SH3YL1: variants seen among roughly 807,000 people sequenced by gnomAD.
SH3YL1 encodes the protein SH3 domain-containing YSC84-like protein 1.
SH3YL1 carries 41 observed loss-of-function variants against 45.8 expected under a neutral mutation model. The ratio of observed to expected loss-of-function variants is 0.89; its 90% CI spans 0.70 to 1.16. SH3YL1 has a LOEUF of 1.16. SH3YL1 is among the 50% of genes most tolerant of loss of function. SH3YL1 has a pLI of 0.00. For missense variants in SH3YL1, 389 were observed against 409.6 expected (o/e 0.95, Z 0.43); for synonymous variants, 152 against 151.4 (o/e 1.00, Z -0.03).
intron 4 of SH3YL1, chr2:242,890 A>T (rs889107450): frequency 1.4e-6 from 2 of 1,443,252 alleles, no homozygotes; most frequent in African/African-American, 2.9e-5. Flanking sequence ...CAAACAACAA[A>T]AAATGTAATT....
At chr2:249,663 T>C in intron 3 of SH3YL1, 68 bp downstream of exon 3, 2 of 1,141,648 alleles carry the variant, frequency 1.8e-6, no homozygotes, top group East Asian at 2.6e-5. Flanking sequence ...CTATGCAATG[T>C]GTTCACATGA....
chr2:261,368 A>T (rs372540026), intron 1 of SH3YL1: 81 of 152,338 alleles, frequency 5.3e-4, no homozygotes, highest in African/African-American at 1.9e-3. Context: ...TAAACGTCTT[A>T]AGTCCCTTGA....
intron 4 of SH3YL1, among the ~76,000 whole-genome samples, chr2:245,519 C>T (rs1441188379): frequency 2.0e-5 from 3 of 151,900 alleles, no homozygotes; most frequent in Admixed American, 2.0e-4. Flanking sequence ...CAATATAAGC[C>T]CAGAGACTCA....
At chr2:234,013 CTA>C (rs1668171567) in intron 5 of SH3YL1, 145 bp downstream of exon 5, 2 of 595,508 alleles carry the variant, frequency 3.4e-6, no homozygotes, top group Non-Finnish European at 5.8e-6. Flanking sequence ...TGTGAATTTC[CTA>C]TTTGTGATGA....
chr2:224,663 C>T (rs1667717997), intron 9 of SH3YL1, among the ~76,000 whole-genome samples: 1 of 152,198 alleles, frequency 6.6e-6, no homozygotes, highest in South Asian at 2.1e-4. Flanking sequence ...CTTCCTATCA[C>T]CCTCATTACC....
At chr2:230,089 T>G in intron 7 of SH3YL1, 45 bp from the exon 8 acceptor site, 1 of 1,471,644 alleles carries the variant, frequency 6.8e-7, no homozygotes, top group Non-Finnish European at 9.4e-7. Context: ...TAAAATCTTG[T>G]TTTTACTTAG....
intron 1 of SH3YL1, chr2:259,648 A>G (rs1448745925): frequency 1.3e-5 from 2 of 152,046 alleles, no homozygotes; most frequent in Non-Finnish European, 2.9e-5. Context: ...ACATAATAGC[A>G]GATGCAAATA....
intron 4 of SH3YL1, chr2:241,527 A>G (rs1186353308): frequency 1.3e-5 from 2 of 151,646 alleles, no homozygotes; most frequent in Non-Finnish European, 2.9e-5. Flanking sequence ...CTGATGAAAA[A>G]CATGGATCTA....
intron 3 of SH3YL1, among the ~76,000 whole-genome samples, chr2:248,557 A>G (rs746120011): frequency 2.6e-5 from 4 of 152,176 alleles, no homozygotes; most frequent in Non-Finnish European, 4.4e-5. Context: ...CAGCTCAGGA[A>G]GAAGGGAGAG....
Position 218,657 on chromosome 2 carries a change from T to A in SH3YL1, c.*154A>T. 1 of 632,810 alleles carries A rather than the reference T, an allele frequency of 1.6e-6. No individual in the cohort carries two copies. Among genetic ancestry groups the A allele is most frequent in the South Asian group, 2.4e-5 (1 of 41,558 alleles). The allele number at this position is 632,810 out of a possible 1,614,324, so 39.2% of individuals were successfully genotyped here. On this transcript the variant is annotated 3_prime_UTR_variant, in exon 10 of 10. Coordinates refer to ENST00000356150, the MANE Select transcript of SH3YL1 (RefSeq NM_015677.4). ...TTTAAAGATATGTCAGTCAGCTCTTTTTATATAGAAAAACAAAATCTTTTA... is the reference window on the plus strand; with the variant it reads ...TTTAAAGATATGTCAGTCAGCTCTTATTATATAGAAAAACAAAATCTTTTA...
chr2:225,418 G>A (rs1667752071), intron 8 of SH3YL1, among the ~76,000 whole-genome samples: 1 of 152,236 alleles, frequency 6.6e-6, no homozygotes, highest in Admixed American at 6.5e-5. Flanking sequence ...AGAAGACGAA[G>A]AGCACACCTT....
chr2:232,403 G>A (rs1213430184), intron 6 of SH3YL1, among the ~76,000 whole-genome samples: 3 of 151,330 alleles, frequency 2.0e-5, no homozygotes, highest in Admixed American at 6.6e-5. Flanking sequence ...CACTGAAATC[G>A]GTGCATCCAA....
chr2:245,672 T>A (rs72772894), intron 4 of SH3YL1, among the ~76,000 whole-genome samples: 42,051 of 151,930 alleles, frequency 0.28, 6,932 homozygotes, highest in African/African-American at 0.43. Context: ...CTCTTACAGC[T>A]CACCACTGTC....
At chr2:264,345 A>AC, upstream of SH3YL1, 1 of 263,744 alleles carries the variant, frequency 3.8e-6, no homozygotes, top group East Asian at 6.8e-5. Context: ...TCCCCGCGTG[A>AC]CCCGCCCAGC....
At chr2:232,347 G>GA (rs1237433889) in intron 6 of SH3YL1, among the ~76,000 whole-genome samples, 1 of 151,840 alleles carries the variant, frequency 6.6e-6, no homozygotes, top group African/African-American at 2.4e-5. Flanking sequence ...AATACTGACT[G>GA]ACACATGAGT....
At chr2:221,841 A>AT (rs1425340100) in intron 9 of SH3YL1, among the ~76,000 whole-genome samples, 1 of 152,196 alleles carries the variant, frequency 6.6e-6, no homozygotes, top group Non-Finnish European at 1.5e-5. Flanking sequence ...GCTTTCTCAG[A>AT]TAACAATCCA....
intron 1 of SH3YL1, among the ~76,000 whole-genome samples, chr2:254,959 C>A (rs2103054451): frequency 1.3e-5 from 2 of 152,298 alleles, no homozygotes; most frequent in East Asian, 3.9e-4. Context: ...AAGCCCCCTA[C>A]CCACTTCAAG....
At chr2:227,611 A>C (rs1455944558) in intron 8 of SH3YL1, among the ~76,000 whole-genome samples, 1 of 152,234 alleles carries the variant, frequency 6.6e-6, no homozygotes, top group Non-Finnish European at 1.5e-5. Flanking sequence ...AAGCACGTAT[A>C]AGATGATAGC....
At chr2:254,143 C>T (rs1428535095) in intron 1 of SH3YL1, among the ~76,000 whole-genome samples, 1 of 151,952 alleles carries the variant, frequency 6.6e-6, no homozygotes, top group African/African-American at 2.4e-5. Flanking sequence ...TTTTGTTGTT[C>T]TTGCCAAAAA....
Sources: gnomAD v4.1 joint callset for allele counts (sites outside exome capture counted in the v4.1 genomes callset) on GRCh38, gnomAD v4.1.1 for gene constraint, MANE v1.5 for transcripts, NCBI Gene and HGNC (gene_info 2026-07-23, HGNC 2026-07-21) for gene names.